CLCN2: variants seen among roughly 807,000 people sequenced by gnomAD.
The protein encoded by CLCN2 is chloride channel protein 2.
Under a neutral mutation model 108.3 loss-of-function variants are expected in CLCN2, and 72 were observed. That is an observed-to-expected ratio of 0.66 (90% CI 0.55 to 0.81). CLCN2 has a LOEUF of 0.81. CLCN2 is among the 30% of genes least tolerant of loss of function. The probability of loss-of-function intolerance (pLI) is 0.00; values close to 1 mark genes in which losing one functional copy is unlikely to be tolerated. For missense variants in CLCN2, 1,048 were observed against 1,205.2 expected (o/e 0.87, Z 1.93); for synonymous variants, 471 against 467.1 (o/e 1.01, Z -0.11).
intron 5 of CLCN2, 40 bp from the exon 6 acceptor site, chr3:184,357,896 C>T (rs568149119): frequency 6.2e-7 from 1 of 1,613,482 alleles, no homozygotes; most frequent in South Asian, 1.1e-5. Context: ...AGGGGGCCCG[C>T]CCTGACCTTG....
intron 3 of CLCN2, 33 bp downstream of exon 3, chr3:184,358,649 C>A: frequency 1.3e-6 from 2 of 1,555,986 alleles, no homozygotes; most frequent in South Asian, 2.4e-5. Flanking sequence ...GAGGTTTATT[C>A]CCAGTCCTCC....
rs368782176 is a variant in CLCN2, at chr3:184,346,938, C to T, written c.2499G>A (p.Lys833=). The T allele has an allele frequency of 5.0e-5, 80 of 1,613,938 alleles. 1 individual carries two copies. Among genetic ancestry groups the T allele is most frequent in the Non-Finnish European group, 6.3e-5 (74 of 1,179,898 alleles). ...TTGGAGGCCACCATCACCTCACCTC[C>T]TTTAGAGTAACGATTCCAATGAGTC... ...IGRLIGIVTL[K]ELRKAIEGSV... is the part of the protein sequence containing the mutation. Residue 833 remains lysine (K), a synonymous_variant, in exon 23 of 24, where the codon AAG becomes AAA. Coordinates refer to ENST00000265593, the MANE Select transcript of CLCN2 (RefSeq NM_004366.6). This position sits in a 1 kb window ranked among gnomAD's most constrained non-coding sequence, Gnocchi z 6.0.
chr3:184,349,316 T>C (rs1177096067), intron 22 of CLCN2: 1 of 152,348 alleles, frequency 6.6e-6, no homozygotes, highest in Middle Eastern at 3.4e-3. Flanking sequence ...TCCCGGCTAC[T>C]CGGGAGGGCT....
Position 184,355,103 on chromosome 3 carries a change from T to C in CLCN2, c.1327-130A>G, listed in dbSNP as rs553539185. ...CCTCCCAGCCACCCCGTAACCCTCC[T>C]AGCTACCCTGGGACCCCCAGGCCTC... On this transcript the variant is annotated intron_variant, in intron 12 of 23. Transcript: ENST00000265593. The surrounding 1 kb of genome is among the most constrained non-coding windows in gnomAD (Gnocchi z 6.3). 2.2e-3 allele frequency: 2,071 copies of C among 938,162 alleles called. 6 individuals carry two copies. Among genetic ancestry groups the C allele is most frequent in the Non-Finnish European group, 2.3e-3 (1,385 of 593,424 alleles). 58.1% of individuals were successfully genotyped at this position (938,162 alleles called of 1,614,324 possible).
Position 184,358,815 on chromosome 3 carries a change from T to C in CLCN2, c.221-2A>G, listed in dbSNP as rs1711605671. ...ACTTGTGGCAGCGGACAGAACAGACTGGGTGCAGGGAAGGGAAGAAGGGGG... is the reference window on the plus strand; with the variant it reads ...ACTTGTGGCAGCGGACAGAACAGACCGGGTGCAGGGAAGGGAAGAAGGGGG... On this transcript the variant is annotated splice_acceptor_variant, in intron 2 of 23. Coordinates refer to ENST00000265593, the MANE Select transcript of CLCN2 (RefSeq NM_004366.6). LOFTEE classifies it high-confidence loss of function. The C allele has an allele frequency of 5.0e-6, 8 of 1,613,836 alleles. No individual in the cohort carries two copies. Among genetic ancestry groups the C allele is most frequent in the Non-Finnish European group, 6.8e-6 (8 of 1,179,942 alleles).
At chr3:184,347,350 C>T in intron 22 of CLCN2, 1 of 412,570 alleles carries the variant, frequency 2.4e-6, no homozygotes, top group East Asian at 5.5e-5. Flanking sequence ...TAGTGATTGG[C>T]CAGGCTCCGT....
chr3:184,359,077 G>A lies in CLCN2; in HGVS notation c.118C>T (p.Arg40Trp), dbSNP rs752317317. ...LGAFAKEEAA[R>W]IRLGGPEPWK... ...GGTTCAGGCCCTCCCAGGCGAATCCGAGCAGCTTCCTCTTTGGCAAAGGCC... is the reference window on the plus strand; with the variant it reads ...GGTTCAGGCCCTCCCAGGCGAATCCAAGCAGCTTCCTCTTTGGCAAAGGCC... Residue 40 changes from arginine (R) to tryptophan (W), a missense_variant, in exon 2 of 24, where the codon CGG becomes TGG. Coordinates refer to ENST00000265593, the MANE Select transcript of CLCN2 (RefSeq NM_004366.6). 1.4e-5 allele frequency: 22 copies of A among 1,613,702 alleles called. No individual in the cohort carries two copies. The highest frequency in any genetic ancestry group is 1.6e-4 in the Middle Eastern group (1 of 6,062).
chr3:184,354,084 C>A lies in CLCN2; in HGVS notation c.1721+17G>T, dbSNP rs774202980. On this transcript the variant is annotated intron_variant, in intron 15 of 23. Coordinates refer to ENST00000265593, the MANE Select transcript of CLCN2 (RefSeq NM_004366.6). ...TGCCCTTCACCCACAGCCCCCTTGG[C>A]ACCCAGCCCTCCGTACTGGTGGCGG... 2 of 1,610,066 alleles carry A rather than the reference C, an allele frequency of 1.2e-6. No individual in the cohort carries two copies. The highest frequency in any genetic ancestry group is 8.5e-7 in the Non-Finnish European group (1 of 1,178,682).
chr3:184,354,864 G>C (rs1728425072), intron 13 of CLCN2, 40 bp downstream of exon 13: 1 of 1,600,984 alleles, frequency 6.2e-7, no homozygotes. Flanking sequence ...CAGAGGCTGA[G>C]GAAGGTGCAG....
At chr3:184,354,812 C>G in intron 13 of CLCN2, 92 bp downstream of exon 13, 1 of 1,493,024 alleles carries the variant, frequency 6.7e-7, no homozygotes. Context: ...AGGGCTGGAC[C>G]AAAAACCCGC....
In CLCN2 at chr3:184,355,163, G is replaced by C. The variant is rs1728451710; in HGVS notation, c.1327-190C>G. ...GGCAAGGGGAAGGACTCTGGAAGCA[G>C]ATGGCTTGGGTTCAGATCATCGCTC... On this transcript the variant is annotated intron_variant, in intron 12 of 23. Transcript: ENST00000265593. This position sits in a 1 kb window ranked among gnomAD's most constrained non-coding sequence, Gnocchi z 6.3. 1 of 779,412 alleles carries C rather than the reference G, an allele frequency of 1.3e-6. No individual in the cohort carries two copies. 48.3% of individuals were successfully genotyped at this position (779,412 alleles called of 1,614,324 possible).
intron 10 of CLCN2, chr3:184,356,788 C>A: frequency 1.7e-6 from 1 of 598,728 alleles, no homozygotes; most frequent in Non-Finnish European, 3.0e-6. Flanking sequence ...TGTCCTCTAC[C>A]GCTGACTATA....
chr3:184,353,599 C>A, intron 16 of CLCN2, 63 bp downstream of exon 16: 1 of 1,603,332 alleles, frequency 6.2e-7, no homozygotes. Flanking sequence ...GAGCTCCCTG[C>A]CCCTTCCCGA....
chr3:184,353,260 A>G lies in CLCN2; in HGVS notation c.2018T>C (p.Val673Ala). The change falls in exon 17 of 24, where the codon GTC becomes GCC. Residue 673 changes from valine (V) to alanine (A), a missense_variant. Physicochemically the swap from Val to Ala is moderately conservative, Grantham distance 64. Coordinates refer to ENST00000265593, the MANE Select transcript of CLCN2 (RefSeq NM_004366.6). Reference sequence around the variant, plus strand: ...GGCTTTTCCCCTCACCTGGAAGCAGACAGAAGCCTCAGGGGTAGGGGGACC... The same window carrying G: ...GGCTTTTCCCCTCACCTGGAAGCAGGCAGAAGCCTCAGGGGTAGGGGGACC... Reference protein sequence around the residue: ...QEGPPTPEASVCFQVNTEDSA... With the variant: ...QEGPPTPEASACFQVNTEDSA... 1 of 1,614,032 alleles carries G rather than the reference A, an allele frequency of 6.2e-7. No individual in the cohort carries two copies. Among genetic ancestry groups the G allele is most frequent in the Non-Finnish European group, 8.5e-7 (1 of 1,179,990 alleles).
In CLCN2 at chr3:184,359,003, A is replaced by G. The variant is rs1455413026; in HGVS notation, c.192T>C (p.Tyr64=). 7.4e-6 allele frequency: 12 copies of G among 1,613,468 alleles called. No individual in the cohort carries two copies. Among genetic ancestry groups the G allele is most frequent in the African/African-American group, 1.3e-5 (1 of 74,934 alleles). ...SSRAAPELLE[Y]GRSRCARCRV... ...GGCATCGGGCGCAACGGCTCCGTCC[A>G]TATTCCAAGAGCTCTGGGGCAGCCC... Residue 64 remains tyrosine (Y), a synonymous_variant, in exon 2 of 24, where the codon TAT becomes TAC. Coordinates refer to ENST00000265593, the MANE Select transcript of CLCN2 (RefSeq NM_004366.6).
chr3:184,357,303 C>T (rs1167230099), intron 8 of CLCN2, 37 bp from the exon 9 acceptor site: 4 of 1,613,888 alleles, frequency 2.5e-6, no homozygotes, highest in Non-Finnish European at 3.4e-6. Flanking sequence ...CAGGCCTAGC[C>T]TCGTGGGCCC....
Position 184,359,136 on chromosome 3 carries a change from A to T in CLCN2, c.64-5T>A. On this transcript the variant is annotated splice_region_variant and splice_polypyrimidine_tract_variant and intron_variant, in intron 1 of 23. Coordinates refer to ENST00000265593, the MANE Select transcript of CLCN2 (RefSeq NM_004366.6). ...CTGAGTGTACCGGCCATACATCTGG[A>T]GCAACAGAGGGGATGGGGGCATTCG... 1 of 1,613,624 alleles carries T rather than the reference A, an allele frequency of 6.2e-7. No homozygotes were observed. Among genetic ancestry groups the T allele is most frequent in the Non-Finnish European group, 8.5e-7 (1 of 1,180,034 alleles).
In CLCN2 at chr3:184,355,980, A is replaced by G. The variant is rs1360846085; in HGVS notation, c.1086-202T>C. 1.7e-5 allele frequency: 10 copies of G among 584,424 alleles called. No individual in the cohort carries two copies. In the South Asian group the frequency reaches 1.7e-4, roughly 10 times the overall value. The allele number at this position is 584,424 out of a possible 1,614,324, so 36.2% of individuals were successfully genotyped here. ...TATTCTAAGAGCAGGGGTCTGACCC[A>G]AAGACCTTTCTGTCAGCCCCTGACT... On this transcript the variant is annotated intron_variant, in intron 10 of 23. Coordinates refer to ENST00000265593, the MANE Select transcript of CLCN2 (RefSeq NM_004366.6). The surrounding 1 kb of genome is among the most constrained non-coding windows in gnomAD (Gnocchi z 6.3).
intron 22 of CLCN2, chr3:184,347,588 G>A (rs925353303): frequency 1.1e-5 from 2 of 179,264 alleles, no homozygotes; most frequent in Non-Finnish European, 2.4e-5. Context: ...AAGGGCACTT[G>A]GGCCCTGAAT....
Sources: gnomAD v4.1 joint callset for allele counts on GRCh38, gnomAD v4.1.1 for gene constraint, Gnocchi (gnomAD v3.1) non-coding constraint, MANE v1.5 for transcripts, NCBI Gene and HGNC (gene_info 2026-07-23, HGNC 2026-07-21) for gene names.